SLC13A3: variants seen among roughly 807,000 people sequenced by gnomAD.
SLC13A3 encodes the protein solute carrier family 13 member 3.
A neutral mutation model predicts 59.0 loss-of-function variants in SLC13A3; 40 were observed. That is an observed-to-expected ratio of 0.68 (90% confidence interval 0.53 to 0.88). The LOEUF (loss-of-function observed/expected upper bound fraction) is 0.88, where lower values mean the gene tolerates loss of function less well. SLC13A3 is among the 40% of genes least tolerant of loss of function. The pLI, the probability that SLC13A3 is intolerant of heterozygous loss-of-function variation, is 0.00. For synonymous variants in SLC13A3, 317 were observed against 330.3 expected (o/e 0.96, Z 0.44); for missense variants, 699 against 783.2 (o/e 0.89, Z 1.28).
chr20:46,632,332 T>C (rs1236424505), intron 1 of SLC13A3, among the ~76,000 whole-genome samples: 1 of 152,232 alleles, frequency 6.6e-6, no homozygotes, highest in East Asian at 1.9e-4. Flanking sequence ...TGAAGCATCA[T>C]GGCTCAGGCA....
chr20:46,658,208 C>A (rs950971177), intron 1 of SLC13A3, among the ~76,000 whole-genome samples: 25 of 148,942 alleles, frequency 1.7e-4, no homozygotes, highest in African/African-American at 4.4e-4. Context: ...AAATAAATAT[C>A]AAAAAAAAAC....
chr20:46,643,380 A>T (rs2062863501), intron 1 of SLC13A3, among the ~76,000 whole-genome samples: 1 of 152,196 alleles, frequency 6.6e-6, no homozygotes, highest in African/African-American at 2.4e-5. Flanking sequence ...CGGAGGTAAG[A>T]TCTGAACGGA....
At chr20:46,639,726 G>A (rs1366763196) in intron 1 of SLC13A3, among the ~76,000 whole-genome samples, 1 of 152,224 alleles carries the variant, frequency 6.6e-6, no homozygotes, top group Non-Finnish European at 1.5e-5. Flanking sequence ...CCACAAAAGA[G>A]TTTGGGTTTC....
intron 9 of SLC13A3, chr20:46,582,899 C>T (rs1353577235): frequency 3.0e-6 from 3 of 985,220 alleles, no homozygotes; most frequent in African/African-American, 3.5e-5. Context: ...AATCTGAAGG[C>T]CACAGTCTAC....
chr20:46,678,427 T>A (rs892077000), intron 1 of SLC13A3, among the ~76,000 whole-genome samples: 1 of 152,220 alleles, frequency 6.6e-6, no homozygotes, highest in Non-Finnish European at 1.5e-5. Context: ...GACGTTTACC[T>A]GTGCATATAA....
intron 1 of SLC13A3, among the ~76,000 whole-genome samples, chr20:46,630,849 A>G (rs2062729298): frequency 6.6e-6 from 1 of 152,192 alleles, no homozygotes. Flanking sequence ...CTAGCTGTTG[A>G]ACCTGGGCTT....
At chr20:46,665,248 A>G (rs2063055987) in intron 1 of SLC13A3, among the ~76,000 whole-genome samples, 1 of 151,844 alleles carries the variant, frequency 6.6e-6, no homozygotes. Flanking sequence ...CCTGGGCAAT[A>G]GAATGAGACA....
chr20:46,653,856 G>T (rs1249882778), upstream of SLC13A3, among the ~76,000 whole-genome samples: 1 of 152,050 alleles, frequency 6.6e-6, no homozygotes, highest in East Asian at 1.9e-4. Context: ...ATAGACATTG[G>T]GTTGTTTCTA....
At chr20:46,581,344 C>T (rs1017309681) in intron 9 of SLC13A3, among the ~76,000 whole-genome samples, 2 of 152,236 alleles carry the variant, frequency 1.3e-5, no homozygotes, top group African/African-American at 4.8e-5. Context: ...ATCTACGAGG[C>T]TGTGAAGTAG....
intron 1 of SLC13A3, among the ~76,000 whole-genome samples, chr20:46,622,608 T>A (rs2062626563): frequency 7.8e-6 from 1 of 128,130 alleles, no homozygotes; most frequent in African/African-American, 2.8e-5. Flanking sequence ...CAGGAATTGG[T>A]GTGTGGTGTG....
intron 1 of SLC13A3, among the ~76,000 whole-genome samples, chr20:46,617,615 T>C (rs199659143): frequency 1.1e-3 from 77 of 71,584 alleles, no homozygotes; most frequent in African/African-American, 4.1e-3. Flanking sequence ...TGTGCGTGTG[T>C]GTGTGTGTGT....
At chr20:46,604,888 T>C (rs2062421693) in intron 3 of SLC13A3, among the ~76,000 whole-genome samples, 1 of 152,070 alleles carries the variant, frequency 6.6e-6, no homozygotes, top group African/African-American at 2.4e-5. Flanking sequence ...CAGTAAGAAC[T>C]CTGACTTGGT....
chr20:46,608,190 T>C (rs2062454907), intron 3 of SLC13A3, among the ~76,000 whole-genome samples: 1 of 152,210 alleles, frequency 6.6e-6, no homozygotes, highest in African/African-American at 2.4e-5. Context: ...TGTTTTTGTG[T>C]GGCCTGCCAA....
intron 1 of SLC13A3, among the ~76,000 whole-genome samples, chr20:46,666,648 C>T (rs1391070430): frequency 8.6e-5 from 13 of 152,000 alleles, no homozygotes; most frequent in Non-Finnish European, 7.4e-5. Flanking sequence ...TAACTACAGG[C>T]GCACACCACC....
intron 1 of SLC13A3, among the ~76,000 whole-genome samples, chr20:46,619,600 G>T (rs1405955965): frequency 6.6e-6 from 1 of 152,184 alleles, no homozygotes; most frequent in Non-Finnish European, 1.5e-5. Flanking sequence ...AAGCTTATCA[G>T]TGTGTCCCAG....
At chr20:46,575,225 AC>A (rs567308032) in intron 10 of SLC13A3, among the ~76,000 whole-genome samples, 66 of 152,072 alleles carry the variant, frequency 4.3e-4, no homozygotes, top group African/African-American at 1.6e-3. Flanking sequence ...CCATCCTTCC[AC>A]CTCCACAAGC....
chr20:46,623,246 C>CT (rs1423283468), intron 1 of SLC13A3, among the ~76,000 whole-genome samples: 2 of 152,306 alleles, frequency 1.3e-5, no homozygotes, highest in East Asian at 3.9e-4. Context: ...TGAGAGTTTC[C>CT]TTTTCTATGC....
chr20:46,633,208 G>A (rs2062762038), intron 1 of SLC13A3, among the ~76,000 whole-genome samples: 1 of 152,068 alleles, frequency 6.6e-6, no homozygotes, highest in African/African-American at 2.4e-5. Flanking sequence ...CACAGAGCAG[G>A]CCCAGGGAAA....
At chr20:46,569,062 C>T (rs747034234) in intron 10 of SLC13A3, among the ~76,000 whole-genome samples, 1 of 152,214 alleles carries the variant, frequency 6.6e-6, no homozygotes, top group Non-Finnish European at 1.5e-5. Flanking sequence ...TAGCTCACTG[C>T]AGCCTCTATC....
Sources: allele counts gnomAD v4.1 joint callset (sites outside exome capture counted in the v4.1 genomes callset), GRCh38; gene constraint gnomAD v4.1.1; transcripts MANE v1.5; gene names NCBI Gene and HGNC (gene_info 2026-07-23, HGNC 2026-07-21).